The following RRN3 variants were observed in gnomAD, a reference collection of about 807,000 sequenced individuals.
RRN3 encodes the protein RNA polymerase I transcription factor RRN3.
RRN3 carries 38 observed loss-of-function variants against 82.3 expected under a neutral mutation model. That is an observed-to-expected ratio of 0.46 (90% CI 0.36 to 0.61). The LOEUF (loss-of-function observed/expected upper bound fraction) is 0.61. RRN3 is among the 20% of genes least tolerant of loss of function. The probability of loss-of-function intolerance (pLI) is 0.00; values close to 1 mark genes in which losing one functional copy is unlikely to be tolerated. For synonymous variants in RRN3, 284 were observed against 284.3 expected, an observed-to-expected ratio of 1.00 and a Z score of 0.01; for missense variants, 726 against 793.1, an observed-to-expected ratio of 0.92 and a Z score of 1.02.
At chr16:15,082,442 A>G (rs903209751) in intron 8 of RRN3, among the ~76,000 whole-genome samples, 1 of 151,918 alleles carries the variant, frequency 6.6e-6, no homozygotes, top group Non-Finnish European at 1.5e-5. Flanking sequence ...CGAGGTGGAG[A>G]CGGGTAGATC....
chr16:15,083,607 C>A, intron 7 of RRN3, 25 bp from the exon 8 acceptor site: 1 of 1,585,544 alleles, frequency 6.3e-7, no homozygotes, highest in South Asian at 1.2e-5. Context: ...TTAAATCAAT[C>A]CATGTTAACT....
intron 15 of RRN3, 40 bp from the exon 16 acceptor site, chr16:15,065,411 T>G: frequency 6.3e-7 from 1 of 1,589,962 alleles, no homozygotes; most frequent in Non-Finnish European, 8.6e-7. Context: ...GGCATTAACA[T>G]GCTGGAGTGA....
At chr16:15,082,266 C>T (rs1219145821) in intron 8 of RRN3, among the ~76,000 whole-genome samples, 3 of 152,102 alleles carry the variant, frequency 2.0e-5, no homozygotes, top group Non-Finnish European at 4.4e-5. Context: ...CTGTTTTTCT[C>T]GTAAAAGGAT....
Position 15,065,272 on chromosome 16 carries a change from G to C in RRN3, c.1653C>G (p.Ile551Met). The C allele has an allele frequency of 1.2e-6, 2 of 1,613,912 alleles. No individual in the cohort carries two copies. Among genetic ancestry groups the C allele is most frequent in the East Asian group, 2.2e-5 (1 of 44,886 alleles). The part of the protein sequence containing the change: ...RSTAGGDSVQ[I>M]CTNPLDTFFP... ...AGAAGGTGTCCAGCGGGTTTGTGCA[G>C]ATCTGCACTGAGTCTCCTCCAGCGG... Residue 551 changes from isoleucine (I) to methionine (M), a missense_variant, in exon 16 of 18, where the codon ATC becomes ATG. By Grantham distance (10) the Ile-to-Met change is conservative. This residue lies in a region of RRN3 where 166 missense variants were observed against 154.8 expected (regional missense o/e 1.07). Transcript: ENST00000198767.
chr16:15,076,971 C>A (rs113936710), intron 9 of RRN3, among the ~76,000 whole-genome samples: 5,518 of 141,450 alleles, frequency 0.039, 124 homozygotes, highest in Middle Eastern at 0.061. Context: ...TGTGTCCCCA[C>A]CCAAATCACT....
intron 8 of RRN3, among the ~76,000 whole-genome samples, chr16:15,081,334 A>G: frequency 6.6e-6 from 1 of 152,230 alleles, no homozygotes; most frequent in East Asian, 1.9e-4. Context: ...TTCTCACAGC[A>G]ACATATGACA....
chr16:15,081,192 T>G (rs2045689679), intron 8 of RRN3, among the ~76,000 whole-genome samples: 1 of 152,210 alleles, frequency 6.6e-6, no homozygotes, highest in African/African-American at 2.4e-5. Context: ...TGTACAAGTT[T>G]TTCTGTGGAC....
chr16:15,078,566 G>C (rs538131829), intron 9 of RRN3, among the ~76,000 whole-genome samples: 1 of 152,250 alleles, frequency 6.6e-6, no homozygotes, highest in South Asian at 2.1e-4. Flanking sequence ...AGCAGTATCT[G>C]ATGCTGCTGA....
chr16:15,062,062 C>T (rs2151754008), intron 17 of RRN3, among the ~76,000 whole-genome samples, 157 bp from the exon 18 acceptor site: 1 of 152,264 alleles, frequency 6.6e-6, no homozygotes, highest in Non-Finnish European at 1.5e-5. Context: ...GCCTGTAGTC[C>T]CAGCTACTCA....
chr16:15,093,489 G>C (rs2046223454), intron 1 of RRN3, among the ~76,000 whole-genome samples: 1 of 152,172 alleles, frequency 6.6e-6, no homozygotes, highest in Non-Finnish European at 1.5e-5. Flanking sequence ...TCTGTAGAAA[G>C]CAGGGACATT....
chr16:15,092,742 C>CCA (rs1166100075), intron 1 of RRN3, 128 bp from the exon 2 acceptor site: 1 of 644,736 alleles, frequency 1.6e-6, no homozygotes, highest in Non-Finnish European at 2.8e-6. Context: ...CTCCCTGCTT[C>CCA]CACTCTTAAC....
Position 15,060,193 on chromosome 16 carries a change from G to T in RRN3, c.*1551C>A, listed in dbSNP as rs1450515292. 2.4e-6 allele frequency: 1 copy of T among 413,294 alleles called. No homozygotes were observed. Among genetic ancestry groups the T allele is most frequent in the Admixed American group, 2.7e-5 (1 of 36,520 alleles). The allele number at this position is 413,294 out of a possible 1,614,324, so 25.6% of individuals were successfully genotyped here. ...TTAAAACTACTTCCCAACCCACAAA[G>T]ACCCCACTTACTACTAATTTCTGGG... On this transcript the variant is annotated 3_prime_UTR_variant, in exon 18 of 18. Transcript: ENST00000198767.
Position 15,068,164 on chromosome 16 carries a change from C to T in RRN3, c.1553+5G>A, listed in dbSNP as rs751293013. The T allele has an allele frequency of 2.4e-5, 37 of 1,547,844 alleles. No individual in the cohort carries two copies. In the South Asian group the frequency reaches 3.8e-4, roughly 16 times the overall value. On this transcript the variant is annotated splice_donor_5th_base_variant and intron_variant, in intron 15 of 17. Transcript: ENST00000198767. Reference sequence around the variant, plus strand: ...ACTCCCATCAAGAAAGCGTAAATAACTTACTTTGTGATTGCAGCAAAAAAG... The same window carrying T: ...ACTCCCATCAAGAAAGCGTAAATAATTTACTTTGTGATTGCAGCAAAAAAG...
At chr16:15,075,088 A>G (rs1235225338) in intron 10 of RRN3, among the ~76,000 whole-genome samples, 1 of 151,902 alleles carries the variant, frequency 6.6e-6, no homozygotes, top group Admixed American at 6.6e-5. Flanking sequence ...TGTCTCTACT[A>G]AAAATACAAG....
At chr16:15,083,623 T>G in intron 7 of RRN3, 41 bp from the exon 8 acceptor site, 1 of 1,583,836 alleles carries the variant, frequency 6.3e-7, no homozygotes, top group Non-Finnish European at 8.6e-7. Context: ...TAACTTTACT[T>G]TCTAGAAAAG....
chr16:15,080,132 G>C (rs1467572797), intron 8 of RRN3, 36 bp from the exon 9 acceptor site: 10 of 1,560,470 alleles, frequency 6.4e-6, no homozygotes, highest in Non-Finnish European at 1.7e-6. Context: ...CATTTCAACA[G>C]AGAATAAACG....
chr16:15,061,670 A>AC lies in RRN3; in HGVS notation c.*73dup. 6.9e-7 allele frequency: 1 copy of AC among 1,447,704 alleles called. No individual in the cohort carries two copies. The highest frequency in any genetic ancestry group is 9.5e-7 in the Non-Finnish European group (1 of 1,048,364). The allele number at this position is 1,447,704 out of a possible 1,614,324, so 89.7% of individuals were successfully genotyped here. ...TTCAATGCCATCAATGCCCAATGGC[A>AC]CAAGCTGGGTGCTGAGGGCATGACA... is the stretch of plus-strand genomic sequence containing the variant. On this transcript the variant is annotated 3_prime_UTR_variant, in exon 18 of 18. Transcript: ENST00000198767.
At chr16:15,075,398 C>T (rs974533025) in intron 10 of RRN3, among the ~76,000 whole-genome samples, 1 of 152,048 alleles carries the variant, frequency 6.6e-6, no homozygotes, top group African/African-American at 2.4e-5. Flanking sequence ...CACAGTGAGA[C>T]CTGTCTCTAC....
At position 15,061,730 on chromosome 16, in the gene RRN3, ACAAATTT is replaced by A. The variant is rs752351157; in HGVS notation, c.*7_*13del. 7 of 1,599,762 alleles carry A rather than the reference ACAAATTT, an allele frequency of 4.4e-6. No individual in the cohort carries two copies. The South Asian group carries it at 7.7e-5, about 18-fold the overall frequency. Reference sequence around the variant, plus strand: ...GAATCCCAAATGTCACATCTCAGTCACAAATTTCTGCCGTCAGAGGGGACTGGGTTGC... The same window carrying A: ...GAATCCCAAATGTCACATCTCAGTCACTGCCGTCAGAGGGGACTGGGTTGC... On this transcript the variant is annotated 3_prime_UTR_variant, in exon 18 of 18. Transcript: ENST00000198767.
Sources: gnomAD v4.1 joint callset for allele counts (sites outside exome capture counted in the v4.1 genomes callset) on GRCh38, gnomAD v4.1.1 for gene constraint, gnomAD v4.1.1 regional missense constraint, MANE v1.5 for transcripts, NCBI Gene and HGNC (gene_info 2026-07-23, HGNC 2026-07-21) for gene names.